Variants in PSG3 observed in about 807,000 individuals in gnomAD.
PSG3 encodes pregnancy specific beta-1-glycoprotein 3.
PSG3 carries 61 observed loss-of-function variants against 47.5 expected under a neutral mutation model. The observed-to-expected ratio is 1.28, with a 90% confidence interval of 1.05 to 1.59. PSG3 has a LOEUF of 1.59. PSG3 is among the 40% of genes most tolerant of loss of function. The pLI is 0.00. For missense variants in PSG3, 756 were observed against 524.0 expected (o/e 1.44, Z -4.32); for synonymous variants, 263 against 198.4 (o/e 1.33, Z -2.74).
chr19:42,728,123 A>AGGAGT (rs1280033806), intron 5 of PSG3, among the ~76,000 whole-genome samples: 1 of 152,008 alleles, frequency 6.6e-6, no homozygotes, highest in African/African-American at 2.4e-5. Flanking sequence ...TAGGGGGAGA[A>AGGAGT]GGAGTGAGAG....
chr19:42,739,795 C>G (rs1330570234), intron 1 of PSG3, among the ~76,000 whole-genome samples: 1 of 152,146 alleles, frequency 6.6e-6, no homozygotes, highest in Non-Finnish European at 1.5e-5. Flanking sequence ...GTGGTGGCCC[C>G]TGATGATTAA....
At chr19:42,739,149 T>A (rs1324487750) in intron 1 of PSG3, 60 bp from the exon 2 acceptor site, 1 of 1,536,560 alleles carries the variant, frequency 6.5e-7, no homozygotes, top group African/African-American at 1.4e-5. Flanking sequence ...TGAAAAGATG[T>A]GGCCCTGGGT....
intron 6 of PSG3, 87 bp downstream of exon 6, chr19:42,723,855 C>G: frequency 9.4e-7 from 1 of 1,062,176 alleles, no homozygotes; most frequent in Non-Finnish European, 1.4e-6. Context: ...AGATCCAGTC[C>G]CAGATACAGG....
intron 1 of PSG3, 81 bp from the exon 2 acceptor site, chr19:42,739,170 T>G (rs1199101616): frequency 6.7e-7 from 1 of 1,482,142 alleles, no homozygotes; most frequent in Non-Finnish European, 9.1e-7. Context: ...CCTGAGAAGG[T>G]CTCTTCAATC....
chr19:42,737,215 G>T (rs532995935), intron 2 of PSG3, among the ~76,000 whole-genome samples: 2 of 152,162 alleles, frequency 1.3e-5, no homozygotes, highest in African/African-American at 2.4e-5. Context: ...GGGTCAAGAG[G>T]TAGTGGGGGG....
At chr19:42,735,140 A>G (rs1208007512) in intron 2 of PSG3, among the ~76,000 whole-genome samples, 1 of 152,204 alleles carries the variant, frequency 6.6e-6, no homozygotes, top group Non-Finnish European at 1.5e-5. Context: ...CGTGTATCTT[A>G]TAGCCTTTGT....
chr19:42,722,554 T>C (rs1160110567), intron 6 of PSG3, among the ~76,000 whole-genome samples: 1 of 152,194 alleles, frequency 6.6e-6, no homozygotes, highest in African/African-American at 2.4e-5. Flanking sequence ...GCACCCAGCC[T>C]AGAATACTCA....
rs200705363 is a variant in PSG3 at position 42,729,140 on chromosome 19, A to G, written c.1226T>C (p.Met409Thr). ...CCACTTACCAGAGACTTTGACTGTC[A>G]TGGATTTGGAGCTTTCCATGCCAGT... ...SATGMESSKS[M>T]TVKVSAPSGT... The change falls in exon 5 of 7, where the codon ATG (methionine) becomes ACG (threonine). Residue 409 changes from methionine (M) to threonine (T), a missense_variant. Transcript: ENST00000327495. 1.2e-6 allele frequency: 2 copies of G among 1,613,868 alleles called. No homozygotes were observed. Among genetic ancestry groups the G allele is most frequent in the African/African-American group, 1.3e-5 (1 of 74,928 alleles).
At chr19:42,731,667 A>C (rs1969475449) in intron 3 of PSG3, among the ~76,000 whole-genome samples, 1 of 151,654 alleles carries the variant, frequency 6.6e-6, no homozygotes, top group Non-Finnish European at 1.5e-5. Context: ...AAAAAATGTT[A>C]CTGGGATTCT....
chr19:42,734,712 G>T (rs994489450), intron 2 of PSG3, among the ~76,000 whole-genome samples: 2 of 152,210 alleles, frequency 1.3e-5, no homozygotes, highest in Non-Finnish European at 2.9e-5. Context: ...AACTCCTTAA[G>T]TAGAGAGAGT....
intron 4 of PSG3, 73 bp from the exon 5 acceptor site, chr19:42,729,450 C>A: frequency 6.4e-7 from 1 of 1,550,752 alleles, no homozygotes; most frequent in Non-Finnish European, 8.7e-7. Flanking sequence ...CTTAAAGGGA[C>A]ACAGTGACCC....
rs770433054 is a variant in PSG3, at chr19:42,724,043, G to C, written c.1244-18C>G. ...TGAAGGAGCTGTCATGGAAAAAAAA[G>C]AAAAGAAGGAATGAAGATGATGTTA... On this transcript the variant is annotated intron_variant, in intron 5 of 6. Coordinates refer to ENST00000327495, the MANE Select transcript of PSG3 (RefSeq NM_021016.4). 6.2e-7 allele frequency: 1 copy of C among 1,604,096 alleles called. No individual in the cohort carries two copies. Among genetic ancestry groups the C allele is most frequent in the Admixed American group, 1.7e-5 (1 of 59,974 alleles).
chr19:42,730,761 G>T (rs1414716954), intron 3 of PSG3, among the ~76,000 whole-genome samples: 1 of 152,232 alleles, frequency 6.6e-6, no homozygotes, highest in East Asian at 1.9e-4. Flanking sequence ...AGAGCTGGTG[G>T]CTTTGGAGCA....
At chr19:42,725,315 A>G (rs1969359401) in intron 5 of PSG3, among the ~76,000 whole-genome samples, 1 of 152,250 alleles carries the variant, frequency 6.6e-6, no homozygotes, top group African/African-American at 2.4e-5. Context: ...ATTAAAAAAG[A>G]AGAAAGATCT....
intron 1 of PSG3, 39 bp from the exon 2 acceptor site, chr19:42,739,128 A>G (rs767161532): frequency 7.7e-6 from 12 of 1,567,082 alleles, no homozygotes; most frequent in Admixed American, 1.8e-5. Flanking sequence ...ATTGAGACCT[A>G]TGCATTGGGG....
rs1037596698 is a variant in PSG3 at position 42,731,012 on chromosome 19, A to T, written c.710-956T>A. Among the ~76,000 whole-genome samples, 6 of 152,224 alleles carry T rather than the reference A, an allele frequency of 3.9e-5. No individual in the cohort carries two copies. In the South Asian group the frequency reaches 8.3e-4, roughly 21 times the overall value. ...TTTTCTTTCATTGGACATTCTACTCAATGATTCCATGGGTTCGACTACTCT... is the reference window on the plus strand; with the variant it reads ...TTTTCTTTCATTGGACATTCTACTCTATGATTCCATGGGTTCGACTACTCT... On this transcript the variant is annotated intron_variant, in intron 3 of 6. Transcript: ENST00000327495.
chr19:42,736,017 G>C (rs1413729055), intron 2 of PSG3, among the ~76,000 whole-genome samples: 1 of 152,184 alleles, frequency 6.6e-6, no homozygotes, highest in African/African-American at 2.4e-5. Context: ...GGCTAACCTT[G>C]GGAGGAATTT....
chr19:42,728,924 AG>A, intron 5 of PSG3, among the ~76,000 whole-genome samples, 198 bp downstream of exon 5: 1 of 152,300 alleles, frequency 6.6e-6, no homozygotes, highest in East Asian at 1.9e-4. Flanking sequence ...GCCAGACACA[AG>A]GTCAGCCATG....
rs752869616 is a variant in PSG3 at position 42,729,857 on chromosome 19, A to T, written c.909T>A (p.Asn303Lys). The T allele has an allele frequency of 3.1e-6, 5 of 1,613,034 alleles. No individual in the cohort carries two copies. The South Asian group carries it at 5.5e-5, about 18-fold the overall frequency. ...TTTCACATTGATAGGGTCCTGTTTC[A>T]TTTCTCGTGACACTGGGTAGAATGA... ...RILILPSVTRNETGPYQCEIQ... is the reference protein window; with the variant it reads ...RILILPSVTRKETGPYQCEIQ... The change falls in exon 4 of 7, where the codon AAT becomes AAA. Residue 303 changes from asparagine to lysine, a missense_variant. Asn to Lys is a moderately conservative substitution (Grantham distance 94). Coordinates refer to ENST00000327495, the MANE Select transcript of PSG3 (RefSeq NM_021016.4).
Sources: allele counts gnomAD v4.1 joint callset (sites outside exome capture counted in the v4.1 genomes callset), GRCh38; gene constraint gnomAD v4.1.1; transcripts MANE v1.5; gene names NCBI Gene and HGNC (gene_info 2026-07-23, HGNC 2026-07-21).